UGT1A6: variants seen among roughly 807,000 people sequenced by gnomAD.
UGT1A6 encodes the protein UDP-glucuronosyltransferase 1A6.
UGT1A6 carries 32 observed loss-of-function variants against 44.4 expected under a neutral mutation model. The observed-to-expected ratio is 0.72, with a 90% CI of 0.54 to 0.97. UGT1A6 has a LOEUF of 0.97. Among genes scored for constraint, UGT1A6 ranks in the 50% least tolerant of loss-of-function variants. The pLI is 0.00. For missense variants in UGT1A6, 685 were observed against 661.9 expected (o/e 1.03, Z -0.38); for synonymous variants, 238 against 248.5 (o/e 0.96, Z 0.40).
At chr2:233,713,179 T>G in intron 1 of UGT1A6, 1 of 1,614,174 alleles carries the variant, frequency 6.2e-7, no homozygotes, top group Middle Eastern at 1.6e-4. Flanking sequence ...GTCCTCACCC[T>G]GGAGGTGAAT....
chr2:233,707,988 T>C (rs2075998720), intron 1 of UGT1A6, among the ~76,000 whole-genome samples: 1 of 152,244 alleles, frequency 6.6e-6, no homozygotes, highest in South Asian at 2.1e-4. Flanking sequence ...CTGGGTTGTC[T>C]ACTCGAATTA....
chr2:233,710,160 A>G (rs1395236819), intron 1 of UGT1A6, among the ~76,000 whole-genome samples: 2 of 152,194 alleles, frequency 1.3e-5, no homozygotes, highest in Admixed American at 1.3e-4. Context: ...TCATTTGCTT[A>G]TGCATTTATT....
At chr2:233,733,232 T>G (rs2078369792) in intron 1 of UGT1A6, among the ~76,000 whole-genome samples, 1 of 152,224 alleles carries the variant, frequency 6.6e-6, no homozygotes, top group Non-Finnish European at 1.5e-5. Flanking sequence ...GTTTTCTAAA[T>G]ATACAATCAT....
In UGT1A6 at chr2:233,743,994, T is replaced by A. The variant is rs60469444; in HGVS notation, c.862-23040T>A. ...GCCAGCACCCAGGCGCAGGCCCGAGTGCTCGGAGACCTGGGCCGCCTGGAG... is the reference window on the plus strand; with the variant it reads ...GCCAGCACCCAGGCGCAGGCCCGAGAGCTCGGAGACCTGGGCCGCCTGGAG... On this transcript the variant is annotated intron_variant, in intron 1 of 4. Transcript: ENST00000305139. The A allele has an allele frequency of 4.3e-3, 5,381 of 1,253,154 alleles. 300 individuals are homozygous for A. The African/African-American group carries it at 0.076, about 18-fold the overall frequency. 77.6% of individuals were successfully genotyped at this position (1,253,154 alleles called of 1,614,324 possible). A position where few individuals can be genotyped will look rare whatever the true frequency, so the allele number is the denominator to read the frequency against.
chr2:233,762,018 T>C (rs141035986), intron 1 of UGT1A6, among the ~76,000 whole-genome samples: 3 of 152,328 alleles, frequency 2.0e-5, no homozygotes, highest in African/African-American at 7.2e-5. Flanking sequence ...ATGTGATTTG[T>C]ATTTTATTTT....
chr2:233,727,845 A>G (rs1384515485), intron 1 of UGT1A6, among the ~76,000 whole-genome samples: 1 of 152,084 alleles, frequency 6.6e-6, no homozygotes, highest in East Asian at 1.9e-4. Context: ...ATGTGGAGTA[A>G]TTTCCTCCCT....
chr2:233,754,396 G>C (rs1026750148), intron 1 of UGT1A6: 23 of 330,472 alleles, frequency 7.0e-5, no homozygotes, highest in African/African-American at 4.7e-4. Context: ...GGTCCTATCC[G>C]TGCAGTCCCA....
chr2:233,713,432 T>C (rs2125633879), intron 1 of UGT1A6: 1 of 1,614,202 alleles, frequency 6.2e-7, no homozygotes, highest in East Asian at 2.2e-5. Flanking sequence ...CTTCCTTTGA[T>C]GTGGTTCTAA....
At chr2:233,728,474 GATC>G (rs1486985053) in intron 1 of UGT1A6, among the ~76,000 whole-genome samples, 1 of 152,138 alleles carries the variant, frequency 6.6e-6, no homozygotes, top group Non-Finnish European at 1.5e-5. Flanking sequence ...CCAAGAATCT[GATC>G]ATCACATCTT....
At chr2:233,747,164 A>C (rs559745186) in intron 1 of UGT1A6, 19 of 1,590,218 alleles carry the variant, frequency 1.2e-5, no homozygotes, top group Non-Finnish European at 1.6e-5. Context: ...AAACAAATGT[A>C]GGAGGCACAG....
intron 1 of UGT1A6, among the ~76,000 whole-genome samples, chr2:233,730,803 T>C (rs2078076377): frequency 6.6e-6 from 1 of 152,164 alleles, no homozygotes; most frequent in South Asian, 2.1e-4. Context: ...TGAATGGACA[T>C]GCGTCCAAGA....
intron 1 of UGT1A6, among the ~76,000 whole-genome samples, chr2:233,759,178 G>A (rs1697077752): frequency 6.6e-6 from 1 of 152,148 alleles, no homozygotes; most frequent in South Asian, 2.1e-4. Context: ...AGGTTTCACG[G>A]CAAAAAGTTC....
chr2:233,703,933 C>T (rs954391531), intron 1 of UGT1A6, among the ~76,000 whole-genome samples: 4 of 151,854 alleles, frequency 2.6e-5, no homozygotes, highest in Non-Finnish European at 5.9e-5. Context: ...TTCTGTTACC[C>T]AGACTGGAGT....
intron 1 of UGT1A6, among the ~76,000 whole-genome samples, chr2:233,709,910 C>T (rs1575491918): frequency 6.6e-6 from 1 of 152,188 alleles, no homozygotes; most frequent in Non-Finnish European, 1.5e-5. Context: ...TCACCTAATA[C>T]CTCCCCTCAC....
rs780416991 is a variant in UGT1A6 at position 233,693,499 on chromosome 2, A to G, written c.495A>G (p.Leu165=). 4 of 1,614,132 alleles carry G rather than the reference A, an allele frequency of 2.5e-6. No individual in the cohort carries two copies. The South Asian group carries it at 4.4e-5, about 18-fold the overall frequency. Reference sequence around the variant, plus strand: ...TGATCCTGGCTGAGTATTTGGGCCTACCATCTGTGTACCTCTTCAGGGGTT... The same window carrying G: ...TGATCCTGGCTGAGTATTTGGGCCTGCCATCTGTGTACCTCTTCAGGGGTT... ...CGVILAEYLG[L]PSVYLFRGFP... The change falls in exon 1 of 5, where the codon CTA becomes CTG. Residue 165 remains leucine, a synonymous_variant. Coordinates refer to ENST00000305139, the MANE Select transcript of UGT1A6 (RefSeq NM_001072.4).
At chr2:233,761,273 T>A (rs748388612) in intron 1 of UGT1A6, 95 of 1,579,546 alleles carry the variant, frequency 6.0e-5, no homozygotes, top group Non-Finnish European at 8.1e-5. Context: ...ATGCCCTCTT[T>A]TGTTAATTTT....
intron 1 of UGT1A6, among the ~76,000 whole-genome samples, chr2:233,741,293 A>G (rs1691617867): frequency 6.6e-6 from 1 of 151,772 alleles, no homozygotes; most frequent in Non-Finnish European, 1.5e-5. Context: ...TATGTACCCA[A>G]TTGTGTAGAT....
At chr2:233,702,799 T>C (rs1284571613) in intron 1 of UGT1A6, among the ~76,000 whole-genome samples, 1 of 152,224 alleles carries the variant, frequency 6.6e-6, no homozygotes, top group Non-Finnish European at 1.5e-5. Flanking sequence ...CTTGTATTCC[T>C]AGAATAATCC....
intron 1 of UGT1A6, among the ~76,000 whole-genome samples, chr2:233,704,256 CTT>C (rs59925871): frequency 4.9e-4 from 60 of 123,596 alleles, no homozygotes; most frequent in Non-Finnish European, 7.4e-4. Flanking sequence ...GCCTTTATTG[CTT>C]TTTTTTTTTT....
Sources: gnomAD v4.1 joint callset for allele counts (sites outside exome capture counted in the v4.1 genomes callset) on GRCh38, gnomAD v4.1.1 for gene constraint, MANE v1.5 for transcripts, NCBI Gene and HGNC (gene_info 2026-07-23, HGNC 2026-07-21) for gene names.